Variants in MARK3 observed in about 807,000 individuals in gnomAD.
MARK3 encodes the protein microtubule affinity regulating kinase 3.
In MARK3, 46 loss-of-function variants were observed where a neutral mutation model predicts 90.1. The observed-to-expected ratio is 0.51, with a 90% CI of 0.40 to 0.65. The LOEUF (loss-of-function observed/expected upper bound fraction) is 0.65. MARK3 is among the 30% of genes least tolerant of loss of function. MARK3 has a pLI of 0.00. For synonymous variants in MARK3, 321 were observed against 332.6 expected (o/e 0.97, Z 0.38); for missense variants, 818 against 947.2 (o/e 0.86, Z 1.79).
At position 103,436,607 on chromosome 14, in the gene MARK3, A is replaced by G. The variant is rs557623965; in HGVS notation, c.297+8167A>G. 5.1e-5 allele frequency among the ~76,000 whole-genome samples: 7 copies of G among 137,522 alleles called. No individual in the cohort carries two copies. In the East Asian group the frequency reaches 1.3e-3, roughly 26 times the overall value. The allele number at this position is 137,522 out of a possible 152,430, so 90.2% of individuals were successfully genotyped here. ...GGAGATGGCAAATGAAATCCAAGAC[A>G]GGCACTTCTTATATTGATTGATTGA... On this transcript the variant is annotated intron_variant, in intron 3 of 17. Coordinates refer to ENST00000429436, the MANE Select transcript of MARK3 (RefSeq NM_001128918.3).
chr14:103,466,317 G>C (rs779224950), intron 9 of MARK3, 26 bp from the exon 10 acceptor site: 1 of 1,504,994 alleles, frequency 6.6e-7, no homozygotes, highest in African/African-American at 1.4e-5. Context: ...ATTTTACTCT[G>C]CTAATGAACA....
At chr14:103,458,747 TA>T in intron 6 of MARK3, 1 of 729,274 alleles carries the variant, frequency 1.4e-6, no homozygotes, top group Non-Finnish European at 2.5e-6. Context: ...CTGGACAGAC[TA>T]TTAAAGTTCA....
chr14:103,496,417 C>CTTT (rs34504040), intron 15 of MARK3, among the ~76,000 whole-genome samples: 1 of 145,944 alleles, frequency 6.9e-6, no homozygotes, highest in Non-Finnish European at 1.5e-5. Context: ...CCCATCTCTA[C>CTTT]TTTTTTTTTT....
chr14:103,458,202 A>T (rs939541850), intron 6 of MARK3, among the ~76,000 whole-genome samples: 3 of 152,172 alleles, frequency 2.0e-5, no homozygotes, highest in Non-Finnish European at 4.4e-5. Context: ...TCATGCCTGT[A>T]ATCCCAGCAC....
intron 16 of MARK3, chr14:103,499,120 A>AAAG (rs2075508309): frequency 6.6e-6 from 1 of 152,270 alleles, no homozygotes; most frequent in African/African-American, 2.4e-5. Flanking sequence ...ACCACTGAAG[A>AAAG]AAGAGTATCT....
chr14:103,469,196 T>TTATG (rs1360577295), intron 12 of MARK3: 1 of 152,070 alleles, frequency 6.6e-6, no homozygotes, highest in Non-Finnish European at 1.5e-5. Context: ...ATTTATTTAT[T>TTATG]TTTCAGATGG....
At chr14:103,454,165 C>CGT (rs2093221289) in intron 5 of MARK3, among the ~76,000 whole-genome samples, 1 of 152,136 alleles carries the variant, frequency 6.6e-6, no homozygotes, top group Non-Finnish European at 1.5e-5. Flanking sequence ...AGCATAGGAA[C>CGT]CCCCTCTGAG....
intron 4 of MARK3, among the ~76,000 whole-genome samples, chr14:103,450,875 AGTGTGTGTGTGTGTGTGTGTGT>A (rs61183226): frequency 1.6e-4 from 18 of 114,878 alleles, no homozygotes; most frequent in South Asian, 3.0e-4. Context: ...TCATTTTTAA[AGTGTGTGTGTGTGTGTGTGTGT>A]GTGTGTGTGT....
intron 2 of MARK3, among the ~76,000 whole-genome samples, chr14:103,409,956 G>A (rs549300029): frequency 1.4e-4 from 21 of 152,292 alleles, no homozygotes; most frequent in African/African-American, 4.8e-4. Context: ...GAAGTCCTGG[G>A]TGAAAGTGGA....
At chr14:103,463,917 T>C (rs1336918243) in intron 7 of MARK3, among the ~76,000 whole-genome samples, 1 of 152,214 alleles carries the variant, frequency 6.6e-6, no homozygotes, top group East Asian at 1.9e-4. Context: ...CTATCTCACA[T>C]ACTGTCTTTC....
chr14:103,408,915 CTTG>C (rs752575424), intron 2 of MARK3, among the ~76,000 whole-genome samples: 1 of 152,048 alleles, frequency 6.6e-6, no homozygotes, highest in Non-Finnish European at 1.5e-5. Context: ...CGGAGCTGTC[CTTG>C]TTGTCCTTGA....
chr14:103,451,855 G>A, intron 4 of MARK3, 63 bp from the exon 5 acceptor site: 1 of 1,152,918 alleles, frequency 8.7e-7, no homozygotes, highest in South Asian at 1.4e-5. Flanking sequence ...GAGTTTATAT[G>A]TGCATGGTTT....
At chr14:103,427,927 T>G (rs1276623735) in intron 2 of MARK3, among the ~76,000 whole-genome samples, 2 of 152,190 alleles carry the variant, frequency 1.3e-5, no homozygotes, top group African/African-American at 4.8e-5. Context: ...TATCTCACCC[T>G]GTGACTAAGA....
chr14:103,444,845 A>G lies in MARK3; in HGVS notation c.298-4074A>G, dbSNP rs535550350. ...GGCCTTTTACAATTACAAAACTTTA[A>G]AATTTTTCTGGTATAGTCCTTATAG... On this transcript the variant is annotated intron_variant, in intron 3 of 17. Transcript: ENST00000429436. Among the ~76,000 whole-genome samples the G allele has an allele frequency of 1.9e-3, 282 of 152,268 alleles. 2 individuals carry two copies. Among genetic ancestry groups the G allele is most frequent in the South Asian group, 1.0e-3 (5 of 4,832 alleles).
chr14:103,450,875 A>ATGT (rs1290999020), intron 4 of MARK3, among the ~76,000 whole-genome samples: 66 of 114,876 alleles, frequency 5.7e-4, no homozygotes, highest in African/African-American at 2.2e-3. Context: ...TCATTTTTAA[A>ATGT]GTGTGTGTGT....
rs535183590 is a variant in MARK3, at chr14:103,462,613, G to A, written c.540+152G>A. The A allele has an allele frequency of 5.2e-4, 250 of 484,514 alleles. 4 individuals carry two copies. The South Asian group carries it at 8.1e-3, about 16-fold the overall frequency. The allele number at this position is 484,514 out of a possible 1,614,324, so 30.0% of individuals were successfully genotyped here. A position where few individuals can be genotyped will look rare whatever the true frequency, so the allele number is the denominator to read the frequency against. On this transcript the variant is annotated intron_variant, in intron 7 of 17. Coordinates refer to ENST00000429436, the MANE Select transcript of MARK3 (RefSeq NM_001128918.3). Reference sequence around the variant, plus strand: ...CCTCTTAATCAAGTTATGGGAAAGAGCATTAAAAATAAAGAAAAATAAAGG... The same window carrying A: ...CCTCTTAATCAAGTTATGGGAAAGAACATTAAAAATAAAGAAAAATAAAGG...
intron 13 of MARK3, among the ~76,000 whole-genome samples, chr14:103,477,208 A>G (rs1399560065): frequency 1.3e-5 from 2 of 152,116 alleles, no homozygotes; most frequent in African/African-American, 4.8e-5. Context: ...TTCCATAGCT[A>G]TGGCCAGGCA....
intron 13 of MARK3, among the ~76,000 whole-genome samples, chr14:103,480,081 G>A (rs577171078): frequency 5.9e-5 from 9 of 152,078 alleles, no homozygotes; most frequent in Non-Finnish European, 7.4e-5. Flanking sequence ...AGATCGCACC[G>A]CTGCATTCCA....
intron 17 of MARK3, among the ~76,000 whole-genome samples, chr14:103,501,020 C>T (rs776727406): frequency 7.2e-5 from 11 of 152,178 alleles, no homozygotes; most frequent in Non-Finnish European, 1.3e-4. Flanking sequence ...AGGTCTCTTC[C>T]ACTTGTGCCC....
Sources: allele counts gnomAD v4.1 joint callset (sites outside exome capture counted in the v4.1 genomes callset), GRCh38; gene constraint gnomAD v4.1.1; transcripts MANE v1.5; gene names NCBI Gene and HGNC (gene_info 2026-07-23, HGNC 2026-07-21).